The following TMC1 variants were observed in gnomAD, a reference collection of about 807,000 sequenced individuals.
The protein encoded by TMC1 is transmembrane channel-like protein 1.
In TMC1, 84 loss-of-function variants were observed where a neutral mutation model predicts 105.8. That is an observed-to-expected ratio of 0.79 (90% CI 0.67 to 0.95). TMC1 has a LOEUF of 0.95. Among genes scored for constraint, TMC1 ranks in the 40% least tolerant of loss-of-function variants. The pLI, the probability that TMC1 is intolerant of heterozygous loss-of-function variation, is 0.00. For missense variants in TMC1, 817 were observed against 914.1 expected, an observed-to-expected ratio of 0.89 and a Z score of 1.37; for synonymous variants, 315 against 311.5, an observed-to-expected ratio of 1.01 and a Z score of -0.12.
chr9:72,782,345 C>T (rs1010431381), intron 13 of TMC1, among the ~76,000 whole-genome samples: 1 of 152,112 alleles, frequency 6.6e-6, no homozygotes, highest in African/African-American at 2.4e-5. Context: ...AAACTCACAG[C>T]CAACATCATA....
chr9:72,674,823 T>G (rs1159800644), intron 5 of TMC1, among the ~76,000 whole-genome samples: 1 of 152,164 alleles, frequency 6.6e-6, no homozygotes, highest in Non-Finnish European at 1.5e-5. Context: ...ATGGTCTTTG[T>G]CCATGGAATC....
intron 4 of TMC1, among the ~76,000 whole-genome samples, chr9:72,643,181 C>A (rs1018319348): frequency 2.0e-5 from 3 of 151,260 alleles, no homozygotes; most frequent in African/African-American, 7.3e-5. Context: ...TCTCTCCTTC[C>A]AACTTTCCCG....
Position 72,607,002 on chromosome 9 carries a change from T to TAGAGAGAGAGAGAGAGAGAGAG in TMC1, c.-305-9362_-305-9341dup, listed in dbSNP as rs57741839. On this transcript the variant is annotated intron_variant, in intron 2 of 23. Coordinates refer to ENST00000297784, the MANE Select transcript of TMC1 (RefSeq NM_138691.3). ...GTGTGCATATATATATATATATATA[T>TAGAGAGAGAGAGAGAGAGAGAG]AGAGAGAGAGAGAGAGAGAGAGAGA... 5.6e-4 allele frequency among the ~76,000 whole-genome samples: 75 copies of TAGAGAGAGAGAGAGAGAGAGAG among 134,958 alleles called. 1 individual carries two copies. Among genetic ancestry groups the TAGAGAGAGAGAGAGAGAGAGAG allele is most frequent in the Non-Finnish European group, 4.9e-4 (31 of 63,568 alleles). 88.5% of individuals were successfully genotyped at this position (134,958 alleles called of 152,430 possible).
intron 17 of TMC1, among the ~76,000 whole-genome samples, chr9:72,803,203 C>T (rs941273574): frequency 2.0e-5 from 3 of 152,178 alleles, no homozygotes; most frequent in South Asian, 2.1e-4. Flanking sequence ...AATGGGACCC[C>T]GTCTATACAC....
At chr9:72,532,464 C>G (rs568808626) in intron 1 of TMC1, among the ~76,000 whole-genome samples, 71 of 136,006 alleles carry the variant, frequency 5.2e-4, no homozygotes, top group African/African-American at 1.8e-3. Flanking sequence ...TCGCTTGAAT[C>G]TGGGAGGCAG....
At chr9:72,803,383 G>A (rs1011146689) in intron 17 of TMC1, among the ~76,000 whole-genome samples, 1 of 152,082 alleles carries the variant, frequency 6.6e-6, no homozygotes, top group Admixed American at 6.6e-5. Flanking sequence ...TTGACAAATG[G>A]GAACTAATTA....
intron 8 of TMC1, among the ~76,000 whole-genome samples, chr9:72,720,835 A>T (rs966692016): frequency 1.3e-5 from 2 of 152,200 alleles, no homozygotes; most frequent in Non-Finnish European, 2.9e-5. Flanking sequence ...ATTTTTAAAA[A>T]TTTATTTTCT....
At chr9:72,678,193 G>T (rs2132174286) in intron 5 of TMC1, among the ~76,000 whole-genome samples, 1 of 152,176 alleles carries the variant, frequency 6.6e-6, no homozygotes, top group African/African-American at 2.4e-5. Flanking sequence ...GCCACTTATT[G>T]GTTGTATGAT....
rs1436137908 is a variant in TMC1, at chr9:72,836,224, T to C, written c.*251T>C. On this transcript the variant is annotated 3_prime_UTR_variant, in exon 24 of 24. Coordinates refer to ENST00000297784, the MANE Select transcript of TMC1 (RefSeq NM_138691.3). ...CTCCCCTGCTCCATTTCGTGACTTT[T>C]TTTTTTTTTTTAACAAATTGAGTTT... is the stretch of plus-strand genomic sequence containing the variant. 1 of 542,426 alleles carries C rather than the reference T, an allele frequency of 1.8e-6. No individual in the cohort carries two copies. Among genetic ancestry groups the C allele is most frequent in the South Asian group, 2.5e-5 (1 of 40,202 alleles). 33.6% of individuals were successfully genotyped at this position (542,426 alleles called of 1,614,324 possible).
At chr9:72,597,277 G>A (rs1318888828) in intron 2 of TMC1, among the ~76,000 whole-genome samples, 1 of 152,182 alleles carries the variant, frequency 6.6e-6, no homozygotes, top group East Asian at 1.9e-4. Flanking sequence ...GTTCACATGC[G>A]GCCGGAACCA....
chr9:72,559,708 A>C (rs1824012228), intron 1 of TMC1, among the ~76,000 whole-genome samples: 1 of 152,224 alleles, frequency 6.6e-6, no homozygotes, highest in South Asian at 2.1e-4. Flanking sequence ...ACGTGGTATC[A>C]TGGTGGTCAC....
chr9:72,655,638 A>C (rs1825871496), intron 5 of TMC1, among the ~76,000 whole-genome samples: 1 of 152,080 alleles, frequency 6.6e-6, no homozygotes, highest in Non-Finnish European at 1.5e-5. Flanking sequence ...GCTACTTGTA[A>C]GGCTGAGGCA....
At chr9:72,565,097 G>C (rs1824124401) in intron 1 of TMC1, among the ~76,000 whole-genome samples, 1 of 152,208 alleles carries the variant, frequency 6.6e-6, no homozygotes, top group African/African-American at 2.4e-5. Context: ...GTATTGGGCA[G>C]TTAGTGAGCA....
chr9:72,791,826 A>G, intron 15 of TMC1, 60 bp from the exon 16 acceptor site: 7 of 1,496,574 alleles, frequency 4.7e-6, no homozygotes, highest in Non-Finnish European at 6.5e-6. Flanking sequence ...AAATTCTGGC[A>G]AAAAGCAATA....
intron 2 of TMC1, among the ~76,000 whole-genome samples, chr9:72,603,159 G>C (rs768727440): frequency 6.6e-5 from 10 of 152,140 alleles, no homozygotes; most frequent in Non-Finnish European, 1.2e-4. Context: ...AAATCACTTT[G>C]TTTCAAGTGC....
chr9:72,667,471 T>C (rs140337472), intron 5 of TMC1, among the ~76,000 whole-genome samples: 2 of 152,382 alleles, frequency 1.3e-5, no homozygotes, highest in Non-Finnish European at 2.9e-5. Context: ...CACCTGCTCA[T>C]GTTCCTTCCT....
chr9:72,638,511 C>G (rs762473442), intron 4 of TMC1, among the ~76,000 whole-genome samples: 6 of 152,178 alleles, frequency 3.9e-5, no homozygotes, highest in Admixed American at 1.3e-4. Flanking sequence ...TGCAGCAGCC[C>G]CCTTCCTGCT....
At chr9:72,787,460 A>G (rs1828185136) in intron 13 of TMC1, among the ~76,000 whole-genome samples, 1 of 152,090 alleles carries the variant, frequency 6.6e-6, no homozygotes, top group Non-Finnish European at 1.5e-5. Context: ...TGGGGTTTAT[A>G]TGACTATAAT....
chr9:72,828,851 T>C (rs1307237077), intron 21 of TMC1, among the ~76,000 whole-genome samples: 1 of 152,218 alleles, frequency 6.6e-6, no homozygotes, highest in Non-Finnish European at 1.5e-5. Flanking sequence ...ACACTTTTCC[T>C]AATTCGAGGG....
Sources: allele counts gnomAD v4.1 joint callset (sites outside exome capture counted in the v4.1 genomes callset), GRCh38; gene constraint gnomAD v4.1.1; transcripts MANE v1.5; gene names NCBI Gene and HGNC (gene_info 2026-07-23, HGNC 2026-07-21).